Variants in SCN1A observed in about 807,000 individuals in gnomAD.
SCN1A encodes the protein sodium channel protein type 1 subunit alpha.
A neutral mutation model predicts 193.7 loss-of-function variants in SCN1A; 13 were observed. The ratio of observed to expected loss-of-function variants is 0.07; its 90% confidence interval spans 0.04 to 0.11. The LOEUF is 0.11. SCN1A is among the 10% of genes least tolerant of loss of function. The probability of loss-of-function intolerance (pLI) is 1.00; values close to 1 mark genes in which losing one functional copy is unlikely to be tolerated. For missense variants in SCN1A, 1,432 were observed against 2,451.1 expected, an observed-to-expected ratio of 0.58 and a Z score of 8.78; for synonymous variants, 781 against 843.6, an observed-to-expected ratio of 0.93 and a Z score of 1.29.
chr2:166,128,764 A>T (rs1691502332), upstream of SCN1A, among the ~76,000 whole-genome samples: 1 of 152,188 alleles, frequency 6.6e-6, no homozygotes, highest in Non-Finnish European at 1.5e-5. Context: ...TTAATAAGCA[A>T]ATATATATAG....
intron 2 of SCN1A, among the ~76,000 whole-genome samples, chr2:166,082,926 A>G (rs1437592431): frequency 1.3e-5 from 2 of 152,070 alleles, no homozygotes; most frequent in East Asian, 1.9e-4. Context: ...GTAAAGAGCT[A>G]TTACTATTCT....
At chr2:166,105,896 A>C (rs1688632626) in intron 2 of SCN1A, among the ~76,000 whole-genome samples, 2 of 152,226 alleles carry the variant, frequency 1.3e-5, no homozygotes, top group South Asian at 4.1e-4. Flanking sequence ...CAATCAAGAT[A>C]CAGAAACCGG....
At chr2:166,125,014 G>A (rs1198343688) in intron 2 of SCN1A, among the ~76,000 whole-genome samples, 1 of 152,180 alleles carries the variant, frequency 6.6e-6, no homozygotes, top group Non-Finnish European at 1.5e-5. Flanking sequence ...TTTAAAAGTT[G>A]GAAAAGCAAA....
chr2:166,117,338 A>G (rs183325651), intron 2 of SCN1A, among the ~76,000 whole-genome samples: 166 of 152,372 alleles, frequency 1.1e-3, no homozygotes, highest in African/African-American at 3.5e-3. Flanking sequence ...CTTCATGTAT[A>G]CTGAATATTA....
chr2:166,120,374 T>G (rs1574592216), intron 2 of SCN1A, among the ~76,000 whole-genome samples: 1 of 150,644 alleles, frequency 6.6e-6, no homozygotes, highest in East Asian at 1.9e-4. Flanking sequence ...AACATGTTTG[T>G]TTTTTTTCCG....
At chr2:166,135,130 T>C (rs1691806615) in intron 1 of SCN1A, among the ~76,000 whole-genome samples, 1 of 152,122 alleles carries the variant, frequency 6.6e-6, no homozygotes, top group Non-Finnish European at 1.5e-5. Context: ...CTTGCAAAGA[T>C]GAATCAACAA....
chr2:166,132,936 A>T (rs1180190355), upstream of SCN1A, among the ~76,000 whole-genome samples: 3 of 142,794 alleles, frequency 2.1e-5, no homozygotes, highest in African/African-American at 7.7e-5. Flanking sequence ...GAACATAAAT[A>T]ATTGAATTTT....
At chr2:166,020,372 C>T (rs1419465795) in intron 19 of SCN1A, among the ~76,000 whole-genome samples, 1 of 152,176 alleles carries the variant, frequency 6.6e-6, no homozygotes, top group African/African-American at 2.4e-5. Context: ...TTCTAATGGA[C>T]TTACTTACAA....
chr2:166,001,199 A>G (rs1014347621), intron 24 of SCN1A, among the ~76,000 whole-genome samples: 14 of 151,652 alleles, frequency 9.2e-5, no homozygotes, highest in African/African-American at 2.9e-4. Context: ...TGTTGCCTCC[A>G]CTGGTCTAGA....
chr2:166,099,093 C>T (rs1250099713), intron 2 of SCN1A, among the ~76,000 whole-genome samples: 2 of 152,028 alleles, frequency 1.3e-5, no homozygotes, highest in African/African-American at 4.8e-5. Flanking sequence ...GGCATCACAC[C>T]ACCCAACTAT....
intron 27 of SCN1A, 56 bp from the exon 28 acceptor site, chr2:165,994,472 C>T: frequency 6.6e-7 from 1 of 1,519,750 alleles, no homozygotes; most frequent in Non-Finnish European, 9.1e-7. Context: ...TGTGCATTAG[C>T]ATTAAGTACT....
intron 1 of SCN1A, among the ~76,000 whole-genome samples, chr2:166,135,074 T>C (rs761001549): frequency 6.6e-6 from 1 of 152,164 alleles, no homozygotes; most frequent in Non-Finnish European, 1.5e-5. Flanking sequence ...CTTGGGTTCT[T>C]TCCTGATTTA....
intron 19 of SCN1A, among the ~76,000 whole-genome samples, chr2:166,024,693 C>T (rs1392980015): frequency 6.6e-6 from 1 of 152,148 alleles, no homozygotes; most frequent in African/African-American, 2.4e-5. Context: ...AGACAGGTCT[C>T]ATTCTGTCAC....
intron 1 of SCN1A, among the ~76,000 whole-genome samples, chr2:166,143,542 G>A (rs1375221831): frequency 1.3e-5 from 2 of 152,096 alleles, no homozygotes; most frequent in African/African-American, 4.8e-5. Context: ...GGGTAAATGA[G>A]GAAAACAAAA....
chr2:166,041,106 T>G, intron 16 of SCN1A, 125 bp downstream of exon 16: 3 of 781,444 alleles, frequency 3.8e-6, no homozygotes, highest in South Asian at 1.5e-5. Context: ...TAAATATAAT[T>G]GCGATTTTGC....
chr2:166,094,963 C>G (rs1213342039), intron 2 of SCN1A, among the ~76,000 whole-genome samples: 1 of 152,166 alleles, frequency 6.6e-6, no homozygotes, highest in African/African-American at 2.4e-5. Context: ...TTGGCAACAT[C>G]TATTTCACCA....
chr2:166,058,892 T>A (rs868464543), intron 4 of SCN1A, among the ~76,000 whole-genome samples: 5 of 152,076 alleles, frequency 3.3e-5, no homozygotes, highest in Admixed American at 2.0e-4. Context: ...ACCACTTACC[T>A]TTTACCTAAT....
intron 1 of SCN1A, among the ~76,000 whole-genome samples, chr2:166,135,903 C>T (rs796376865): frequency 7.9e-5 from 12 of 152,152 alleles, no homozygotes; most frequent in African/African-American, 2.7e-4. Flanking sequence ...TGAGAAGATT[C>T]GGATGTGAGC....
intron 8 of SCN1A, among the ~76,000 whole-genome samples, chr2:166,052,519 T>G (rs912086260): frequency 1.3e-5 from 2 of 151,934 alleles, no homozygotes; most frequent in Non-Finnish European, 2.9e-5. Flanking sequence ...AGATTTGCAT[T>G]GTATACACAT....
Sources: allele counts gnomAD v4.1 joint callset (sites outside exome capture counted in the v4.1 genomes callset), GRCh38; gene constraint gnomAD v4.1.1; transcripts MANE v1.5; gene names NCBI Gene and HGNC (gene_info 2026-07-23, HGNC 2026-07-21).